Variants in TBL1X observed in about 807,000 individuals in gnomAD.
TBL1X encodes the protein transducin beta like 1 X-linked, also known as F-box-like/WD repeat-containing protein TBL1X.
In TBL1X, 10 loss-of-function variants were observed where a neutral mutation model predicts 50.7. That is an observed-to-expected ratio of 0.20 (90% CI 0.12 to 0.33). The LOEUF is 0.33. Ranked by LOEUF, TBL1X falls within the 10% of genes least tolerant of loss-of-function variation. The pLI, the probability that TBL1X is intolerant of heterozygous loss-of-function variation, is 1.00. For synonymous variants in TBL1X, 190 were observed against 214.7 expected, an observed-to-expected ratio of 0.88 and a Z score of 1.01; for missense variants, 340 against 504.4, an observed-to-expected ratio of 0.67 and a Z score of 3.12.
chrX:9,471,539 C>G (rs950904955), intron 1 of TBL1X, among the ~76,000 whole-genome samples: 1 of 112,028 alleles, frequency 8.9e-6, no homozygotes, highest in African/African-American at 3.2e-5. Flanking sequence ...TGTCCGGTGC[C>G]TAGAGTATCA....
intron 2 of TBL1X, among the ~76,000 whole-genome samples, chrX:9,516,745 T>C (rs2146962743): frequency 8.9e-6 from 1 of 112,241 alleles, no homozygotes; most frequent in African/African-American, 3.2e-5. Flanking sequence ...GTCCCCTTCA[T>C]AAAGCATGAT....
intron 2 of TBL1X, among the ~76,000 whole-genome samples, chrX:9,512,689 G>A (rs1428191866): frequency 1.8e-5 from 2 of 110,545 alleles, no homozygotes; most frequent in Non-Finnish European, 3.8e-5. Flanking sequence ...GGTAGAGATG[G>A]GGTTTCACCA....
chrX:9,709,547 G>A (rs772805498), intron 14 of TBL1X, 86 bp from the exon 15 acceptor site: 59 of 1,164,150 alleles, frequency 5.1e-5, no homozygotes, highest in Non-Finnish European at 6.5e-5. Flanking sequence ...CCTGGGCCCC[G>A]TGTGCACCCC....
At chrX:9,687,071 CAT>C (rs1211417803) in intron 6 of TBL1X, among the ~76,000 whole-genome samples, 1 of 112,538 alleles carries the variant, frequency 8.9e-6, no homozygotes, top group South Asian at 3.7e-4. Flanking sequence ...AGCATATAAA[CAT>C]GTGTTTGCAC....
chrX:9,532,023 A>G (rs1171825451), intron 2 of TBL1X, among the ~76,000 whole-genome samples: 1 of 111,799 alleles, frequency 8.9e-6, no homozygotes. Context: ...GGTGTGAGCC[A>G]CCACACTGGG....
At chrX:9,620,120 G>T (rs2082659179) in intron 2 of TBL1X, among the ~76,000 whole-genome samples, 1 of 111,916 alleles carries the variant, frequency 8.9e-6, no homozygotes, top group Non-Finnish European at 1.9e-5. Context: ...CATGTAAGTT[G>T]GGAGGGATGT....
intron 2 of TBL1X, among the ~76,000 whole-genome samples, chrX:9,572,251 G>C (rs1248159368): frequency 8.9e-6 from 1 of 112,569 alleles, no homozygotes; most frequent in African/African-American, 3.2e-5. Flanking sequence ...ATTAAAAGCA[G>C]CAGCAGAAGT....
chrX:9,509,200 A>C (rs1279071048), intron 2 of TBL1X, among the ~76,000 whole-genome samples: 1 of 107,069 alleles, frequency 9.3e-6, no homozygotes, highest in Non-Finnish European at 1.9e-5. Flanking sequence ...ATCCTGGCTA[A>C]CATGGTGAAA....
chrX:9,641,434 T>TA (rs773583560), intron 3 of TBL1X, among the ~76,000 whole-genome samples: 159 of 112,277 alleles, frequency 1.4e-3, no homozygotes, highest in African/African-American at 4.1e-3. Flanking sequence ...CCTTTTTAGT[T>TA]AAAAAAACAA....
At chrX:9,523,113 T>A (rs929267704) in intron 2 of TBL1X, among the ~76,000 whole-genome samples, 5 of 111,555 alleles carry the variant, frequency 4.5e-5, no homozygotes, top group African/African-American at 9.8e-5. Flanking sequence ...CATTATGTTT[T>A]AAAAAAAACC....
intron 2 of TBL1X, chrX:9,636,914 A>G (rs754262711): frequency 1.6e-4 from 18 of 112,416 alleles, no homozygotes; most frequent in African/African-American, 5.5e-4. Flanking sequence ...TGAGGGTGCT[A>G]TTGAGTTTGG....
chrX:9,574,459 G>GAAAA (rs376384853), intron 2 of TBL1X, among the ~76,000 whole-genome samples: 4 of 30,129 alleles, frequency 1.3e-4, no homozygotes, highest in Non-Finnish European at 2.0e-4. Context: ...TGTCTCAAAT[G>GAAAA]AAAAAAAAAA....
chrX:9,503,663 G>A (rs968729255), intron 2 of TBL1X, among the ~76,000 whole-genome samples: 1 of 113,162 alleles, frequency 8.8e-6, no homozygotes, highest in Non-Finnish European at 1.9e-5. Context: ...GGCAGTCTGC[G>A]GCTAGAGTGC....
chrX:9,647,777 G>C (rs955571709), intron 3 of TBL1X, among the ~76,000 whole-genome samples: 1 of 111,389 alleles, frequency 9.0e-6, no homozygotes, highest in Non-Finnish European at 1.9e-5. Flanking sequence ...GTGCCACCTT[G>C]CCTGCTTGAC....
intron 2 of TBL1X, among the ~76,000 whole-genome samples, chrX:9,538,779 C>A (rs1325074858): frequency 8.9e-6 from 1 of 112,649 alleles, no homozygotes; most frequent in Non-Finnish European, 1.9e-5. Context: ...CTCTGATGAG[C>A]CTGAAGTCTG....
chrX:9,486,218 A>G (rs184720070), intron 1 of TBL1X, among the ~76,000 whole-genome samples: 418 of 105,597 alleles, frequency 4.0e-3, no homozygotes, highest in African/African-American at 0.014. Flanking sequence ...GTACCTGGAC[A>G]TTTTTTTCTA....
At chrX:9,647,142 A>C (rs1203277715) in intron 3 of TBL1X, among the ~76,000 whole-genome samples, 1 of 111,999 alleles carries the variant, frequency 8.9e-6, no homozygotes, top group Non-Finnish European at 1.9e-5. Flanking sequence ...CCGAATGCTG[A>C]ACTGTTTTGT....
At chrX:9,509,004 G>A (rs1376690587) in intron 2 of TBL1X, among the ~76,000 whole-genome samples, 1 of 110,211 alleles carries the variant, frequency 9.1e-6, no homozygotes, top group Non-Finnish European at 1.9e-5. Context: ...GTAGTAGGGT[G>A]CTGCAGCAAA....
chrX:9,679,106 A>G lies in TBL1X; in HGVS notation c.212-4937A>G, dbSNP rs374940687. On this transcript the variant is annotated intron_variant, in intron 5 of 17. Coordinates refer to ENST00000645353, the MANE Select transcript of TBL1X (RefSeq NM_005647.4). ...CTGTGTGTTATGTTATCTAAGGTCTATGACCAATTGCATGCAGAGGGTGGC... is the reference window on the plus strand; with the variant it reads ...CTGTGTGTTATGTTATCTAAGGTCTGTGACCAATTGCATGCAGAGGGTGGC... Among the ~76,000 whole-genome samples the G allele has an allele frequency of 3.7e-5, 4 of 108,025 alleles. No homozygotes were observed. The East Asian group carries it at 8.7e-4, about 24-fold the overall frequency. 93.8% of individuals were successfully genotyped at this position (108,025 alleles called of 115,157 possible). A position where few individuals can be genotyped will look rare whatever the true frequency, so the allele number is the denominator to read the frequency against.
Sources: gnomAD v4.1 joint callset for allele counts (sites outside exome capture counted in the v4.1 genomes callset) on GRCh38, gnomAD v4.1.1 for gene constraint, MANE v1.5 for transcripts, NCBI Gene and HGNC (gene_info 2026-07-23, HGNC 2026-07-21) for gene names.